CELSR1: variants seen among roughly 807,000 people sequenced by gnomAD.
CELSR1 encodes adhesion G protein-coupled receptor C1.
CELSR1 carries 110 observed loss-of-function variants against 249.1 expected under a neutral mutation model. The ratio of observed to expected loss-of-function variants is 0.44; its 90% confidence interval spans 0.38 to 0.52. CELSR1 has a LOEUF of 0.52. Among genes scored for constraint, CELSR1 ranks in the 20% least tolerant of loss-of-function variants. The pLI, the probability that CELSR1 is intolerant of heterozygous loss-of-function variation, is 0.00. For synonymous variants in CELSR1, 2,113 were observed against 1,900.0 expected (o/e 1.11, Z -2.92); for missense variants, 4,109 against 4,296.4 (o/e 0.96, Z 1.22).
intron 14 of CELSR1, among the ~76,000 whole-genome samples, chr22:46,392,156 T>A (rs1014524705): frequency 6.6e-6 from 1 of 152,264 alleles, no homozygotes; most frequent in South Asian, 2.1e-4. Flanking sequence ...GGCGTTTTTT[T>A]AAAGTTGTTT....
chr22:46,530,090 A>G (rs2080776623), intron 1 of CELSR1, among the ~76,000 whole-genome samples: 1 of 151,958 alleles, frequency 6.6e-6, no homozygotes, highest in East Asian at 1.9e-4. Context: ...CAGATGGATC[A>G]CTTGAGCTCA....
chr22:46,516,569 G>A (rs2080630460), intron 1 of CELSR1, among the ~76,000 whole-genome samples: 1 of 151,960 alleles, frequency 6.6e-6, no homozygotes. Flanking sequence ...TGAACTCCTG[G>A]CCTCAAGCAA....
Position 46,398,569 on chromosome 22 carries a change from A to C in CELSR1, c.5481T>G (p.Ser1827=). 6.2e-7 allele frequency: 1 copy of C among 1,613,010 alleles called. No individual in the cohort carries two copies. The highest frequency in any genetic ancestry group is 8.5e-7 in the Non-Finnish European group (1 of 1,179,662). ...CACGGCGCACGGAGACCTTGTCTTC[A>C]GAGGCGCCTCCGACCACCACGCTCC... ...TVRSVVVGGA[S]EDKVSVRRGF... The change falls in exon 11 of 35, where the codon TCT becomes TCG. Residue 1827 remains serine, a synonymous_variant. Coordinates refer to ENST00000674500, the MANE Select transcript of CELSR1 (RefSeq NM_001378328.1). This position sits in a 1 kb window ranked among gnomAD's most constrained non-coding sequence, Gnocchi z 7.2.
chr22:46,439,723 C>G (rs564087306), intron 2 of CELSR1, among the ~76,000 whole-genome samples: 1 of 152,110 alleles, frequency 6.6e-6, no homozygotes, highest in Non-Finnish European at 1.5e-5. Context: ...GCCTCCAACC[C>G]CGTTCTGAGC....
Position 46,447,259 on chromosome 22 carries a change from T to C in CELSR1, c.4184-7848A>G, listed in dbSNP as rs1199958436. Among the ~76,000 whole-genome samples, 1 of 152,228 alleles carries C rather than the reference T, an allele frequency of 6.6e-6. No homozygotes were observed. The highest frequency in any genetic ancestry group is 2.4e-5 in the African/African-American group (1 of 41,458). ...CAAATTTAGTGAGCTCTGTGTCTTTTAGCTCTGTATCTTTTATTTTCTAAT... is the reference window on the plus strand; with the variant it reads ...CAAATTTAGTGAGCTCTGTGTCTTTCAGCTCTGTATCTTTTATTTTCTAAT... On this transcript the variant is annotated intron_variant, in intron 2 of 34. Coordinates refer to ENST00000674500, the MANE Select transcript of CELSR1 (RefSeq NM_001378328.1). This position sits in a 1 kb window ranked among gnomAD's most constrained non-coding sequence, Gnocchi z 4.7.
At position 46,414,778 on chromosome 22, in the gene CELSR1, C is replaced by T. The variant is rs11704237; in HGVS notation, c.4612-3019G>A. On this transcript the variant is annotated intron_variant, in intron 5 of 34. Coordinates refer to ENST00000674500, the MANE Select transcript of CELSR1 (RefSeq NM_001378328.1). ...ACTACATGACCCAGCACCACCAGCC[C>T]CAGGCGTGTACCCAAAAGAACTGAA... 1.6e-3 allele frequency among the ~76,000 whole-genome samples: 249 copies of T among 152,338 alleles called. 1 individual carries two copies. Among genetic ancestry groups the T allele is most frequent in the Non-Finnish European group, 2.7e-3 (187 of 68,030 alleles).
chr22:46,505,905 G>A (rs944257080), intron 1 of CELSR1, among the ~76,000 whole-genome samples: 3 of 152,106 alleles, frequency 2.0e-5, no homozygotes, highest in Non-Finnish European at 4.4e-5. Flanking sequence ...CTGGCTGGGC[G>A]TGGTGGCTCA....
intron 24 of CELSR1, 30 bp from the exon 25 acceptor site, chr22:46,373,087 C>A: frequency 1.3e-6 from 2 of 1,548,478 alleles, no homozygotes; most frequent in Non-Finnish European, 1.7e-6. Context: ...TCAGCAAGGG[C>A]CCCTGCATCC....
chr22:46,416,330 T>TGA (rs1375030369), intron 5 of CELSR1, among the ~76,000 whole-genome samples: 10 of 152,172 alleles, frequency 6.6e-5, no homozygotes, highest in African/African-American at 2.4e-4. Flanking sequence ...CACCTGCCCT[T>TGA]CCAGGGCTCA....
chr22:46,416,609 A>G (rs1456451679), intron 5 of CELSR1, among the ~76,000 whole-genome samples: 1 of 152,202 alleles, frequency 6.6e-6, no homozygotes, highest in Non-Finnish European at 1.5e-5. Context: ...CAGCAAGGAA[A>G]AGCCACATGC....
At chr22:46,416,940 T>C (rs1332780042) in intron 5 of CELSR1, among the ~76,000 whole-genome samples, 17 of 135,930 alleles carry the variant, frequency 1.3e-4, no homozygotes, top group Non-Finnish European at 4.7e-5. Flanking sequence ...GGGGTACGGT[T>C]TCAATGCTGG....
chr22:46,366,446 C>A lies in CELSR1; in HGVS notation c.8240G>T (p.Gly2747Val), dbSNP rs1370224247. The change falls in exon 30 of 35, where the codon GGG becomes GTG. Residue 2747 changes from glycine to valine, a missense_variant. By Grantham distance (109) the Gly-to-Val change is moderately radical. Transcript: ENST00000674500. Reference sequence around the variant, plus strand: ...CAAGTCTGTGCGCAGCATGTCAGGCCCGTCACCGAAGGTGGTGTTGCAGTT... The same window carrying A: ...CAAGTCTGTGCGCAGCATGTCAGGCACGTCACCGAAGGTGGTGTTGCAGTT... Reference protein sequence around the residue: ...SLNCNTTFGDGPDMLRTDLGE... With the variant: ...SLNCNTTFGDVPDMLRTDLGE... 5.2e-6 allele frequency: 8 copies of A among 1,550,282 alleles called. No individual in the cohort carries two copies. The highest frequency in any genetic ancestry group is 7.0e-6 in the Non-Finnish European group (8 of 1,146,726).
intron 2 of CELSR1, among the ~76,000 whole-genome samples, chr22:46,449,061 C>T (rs1202794000): frequency 6.6e-6 from 1 of 151,384 alleles, no homozygotes; most frequent in Non-Finnish European, 1.5e-5. Context: ...CACCCCTCCA[C>T]CCTTCCATCC....
In CELSR1 at chr22:46,409,678, G is replaced by T; in HGVS notation, c.5059+77C>A. The T allele has an allele frequency of 6.4e-7, 1 of 1,572,144 alleles. No individual in the cohort carries two copies. The highest frequency in any genetic ancestry group is 8.7e-7 in the Non-Finnish European group (1 of 1,155,034). On this transcript the variant is annotated intron_variant, in intron 8 of 34. Transcript: ENST00000674500. The surrounding 1 kb of genome is among the most constrained non-coding windows in gnomAD (Gnocchi z 9.8). Reference sequence around the variant, plus strand: ...GGACCTGGATGTGAAGCCCCCTCACGGTGGTCCCGGGCACATCAAGGAGCA... The same window carrying T: ...GGACCTGGATGTGAAGCCCCCTCACTGTGGTCCCGGGCACATCAAGGAGCA...
Position 46,534,816 on chromosome 22 carries a change from G to A in CELSR1, c.2355C>T (p.His785=). Residue 785 remains histidine, a synonymous_variant, in exon 1 of 35, where the codon CAC becomes CAT. Transcript: ENST00000674500. This position sits in a 1 kb window ranked among gnomAD's most constrained non-coding sequence, Gnocchi z 9.7. ...VLINVTDANT[H]RPVFQSSHYT... is the part of the protein sequence containing the mutation. ...AATGGGAGCTCTGAAAGACAGGCCT[G>A]TGGGTGTTGGCATCAGTGACGTTGA... The A allele has an allele frequency of 6.2e-7, 1 of 1,613,090 alleles. No individual in the cohort carries two copies. Among genetic ancestry groups the A allele is most frequent in the Non-Finnish European group, 8.5e-7 (1 of 1,179,968 alleles).
rs55932520 is a variant in CELSR1 at position 46,474,788 on chromosome 22, C to CTTTT, written c.3545-10447_3545-10444dup. 5.4e-4 allele frequency among the ~76,000 whole-genome samples: 48 copies of CTTTT among 89,624 alleles called. 2 individuals carry two copies. Among genetic ancestry groups the CTTTT allele is most frequent in the East Asian group, 8.1e-4 (2 of 2,460 alleles). 58.8% of individuals were successfully genotyped at this position (89,624 alleles called of 152,430 possible). On this transcript the variant is annotated intron_variant, in intron 1 of 34. Transcript: ENST00000674500. ...GTGACCATTATTCTACTCTCTACTTCTTTTTTTTTTTTTTTTTTGAGACGG... is the reference window on the plus strand; with the variant it reads ...GTGACCATTATTCTACTCTCTACTTCTTTTTTTTTTTTTTTTTTTTTTGAGACGG...
In CELSR1 at chr22:46,534,589, G is replaced by A. The variant is rs147667108; in HGVS notation, c.2582C>T (p.Thr861Ile). ...DYENQVAYTL[T>I]IMAQDNGIPQ... ...GATGCCGTTGTCCTGGGCCATGATGGTCAGCGTGTAGGCGACCTGGTTCTC... is the reference window on the plus strand; with the variant it reads ...GATGCCGTTGTCCTGGGCCATGATGATCAGCGTGTAGGCGACCTGGTTCTC... Residue 861 changes from threonine (T) to isoleucine (I), a missense_variant, in exon 1 of 35, where the codon ACC (threonine) becomes ATC (isoleucine). Thr to Ile is a moderately conservative substitution (Grantham distance 89). Transcript: ENST00000674500. This position sits in a 1 kb window ranked among gnomAD's most constrained non-coding sequence, Gnocchi z 9.7. 6.2e-7 allele frequency: 1 copy of A among 1,613,740 alleles called. No individual in the cohort carries two copies. The highest frequency in any genetic ancestry group is 8.5e-7 in the Non-Finnish European group (1 of 1,180,048).
Position 46,398,078 on chromosome 22 carries a change from G to A in CELSR1, c.5527-230C>T, listed in dbSNP as rs886672781. 6.6e-6 allele frequency among the ~76,000 whole-genome samples: 1 copy of A among 152,196 alleles called. No homozygotes were observed. Among genetic ancestry groups the A allele is most frequent in the Admixed American group, 6.5e-5 (1 of 15,292 alleles). On this transcript the variant is annotated intron_variant, in intron 11 of 34. Transcript: ENST00000674500. The surrounding 1 kb of genome is among the most constrained non-coding windows in gnomAD (Gnocchi z 7.2). Reference sequence around the variant, plus strand: ...GGGCACGCCAGCCTGAGCTCCTGGGGTGCGCGGTGGGGGCGTGAGGAGTGG... The same window carrying A: ...GGGCACGCCAGCCTGAGCTCCTGGGATGCGCGGTGGGGGCGTGAGGAGTGG...
rs200460513 is a variant in CELSR1, at chr22:46,391,319, G to C, written c.6149-32C>G. On this transcript the variant is annotated intron_variant, in intron 15 of 34. Transcript: ENST00000674500. This position sits in a 1 kb window ranked among gnomAD's most constrained non-coding sequence, Gnocchi z 4.3. Reference sequence around the variant, plus strand: ...TAGAGAAGAGAGAAGTCTGCTCAGCGGGGCACGCCACACCCACGACCACAA... The same window carrying C: ...TAGAGAAGAGAGAAGTCTGCTCAGCCGGGCACGCCACACCCACGACCACAA... The C allele has an allele frequency of 4.4e-6, 7 of 1,588,406 alleles. No homozygotes were observed. In the East Asian group the frequency reaches 1.6e-4, roughly 36 times the overall value.
Sources: allele counts gnomAD v4.1 joint callset (sites outside exome capture counted in the v4.1 genomes callset), GRCh38; gene constraint gnomAD v4.1.1; non-coding constraint Gnocchi (gnomAD v3.1); transcripts MANE v1.5; gene names NCBI Gene and HGNC (gene_info 2026-07-23, HGNC 2026-07-21).